The following ZNF713 variants were observed in gnomAD, a reference collection of about 807,000 sequenced individuals.
ZNF713 encodes the protein zinc finger protein 713.
A neutral mutation model predicts 28.7 loss-of-function variants in ZNF713; 21 were observed. The ratio of observed to expected loss-of-function variants is 0.73; its 90% CI spans 0.52 to 1.05. ZNF713 has a LOEUF of 1.05. Ranked by LOEUF, ZNF713 falls within the 50% of genes least tolerant of loss-of-function variation. The probability of loss-of-function intolerance (pLI) is 0.00; values close to 1 mark genes in which losing one functional copy is unlikely to be tolerated. For missense variants in ZNF713, 458 were observed against 532.4 expected (o/e 0.86, Z 1.37); for synonymous variants, 167 against 178.0 (o/e 0.94, Z 0.49).
intron 6 of ZNF713, among the ~76,000 whole-genome samples, chr7:55,935,178 C>T (rs1300044826): frequency 4.6e-5 from 7 of 151,902 alleles, no homozygotes; most frequent in South Asian, 2.1e-4. Context: ...TGTGAGCCAC[C>T]GTGCCTGGAC....
chr7:55,907,813 G>A (rs1389571023), intron 2 of ZNF713, among the ~76,000 whole-genome samples: 1 of 152,158 alleles, frequency 6.6e-6, no homozygotes, highest in Non-Finnish European at 1.5e-5. Context: ...TGGCTGCCTA[G>A]TATTCCATGT....
At chr7:55,931,272 G>A (rs1039049465) in intron 6 of ZNF713, among the ~76,000 whole-genome samples, 1 of 150,810 alleles carries the variant, frequency 6.6e-6, no homozygotes, top group Non-Finnish European at 1.5e-5. Flanking sequence ...GGCAACAAGA[G>A]CAAAACTGTC....
intron 6 of ZNF713, among the ~76,000 whole-genome samples, chr7:55,935,042 C>T (rs989339566): frequency 1.3e-5 from 2 of 152,024 alleles, no homozygotes; most frequent in Non-Finnish European, 2.9e-5. Context: ...ACATGCACCA[C>T]CACGCCCAGC....
At chr7:55,935,963 A>G (rs973745650) in intron 6 of ZNF713, among the ~76,000 whole-genome samples, 2 of 148,970 alleles carry the variant, frequency 1.3e-5, no homozygotes, top group Non-Finnish European at 3.0e-5. Flanking sequence ...TCAAGAAAAA[A>G]AAGAGAAAGA....
intron 1 of ZNF713, among the ~76,000 whole-genome samples, chr7:55,905,720 A>G (rs947434529): frequency 7.2e-5 from 11 of 152,088 alleles, no homozygotes; most frequent in Non-Finnish European, 1.5e-4. Flanking sequence ...TTATGATACA[A>G]AGAATAATGT....
intron 6 of ZNF713, among the ~76,000 whole-genome samples, chr7:55,931,959 T>A (rs1324040848): frequency 6.6e-6 from 1 of 152,200 alleles, no homozygotes; most frequent in African/African-American, 2.4e-5. Context: ...TGAGAGGCAG[T>A]CTGTAGAGCT....
At chr7:55,887,905 G>A (rs1368815107) in intron 1 of ZNF713, among the ~76,000 whole-genome samples, 1 of 142,636 alleles carries the variant, frequency 7.0e-6, no homozygotes, top group Non-Finnish European at 1.6e-5. Flanking sequence ...GCGGCGGCGG[G>A]AGGCGGCAGG....
chr7:55,915,782 G>T (rs1219248681), intron 4 of ZNF713, among the ~76,000 whole-genome samples: 1 of 152,194 alleles, frequency 6.6e-6, no homozygotes, highest in Admixed American at 6.5e-5. Context: ...AAAGCCTGTG[G>T]CCATGAAAAC....
At position 55,923,692 on chromosome 7, in the gene ZNF713, T is replaced by C. The variant is rs1056621278; in HGVS notation, c.300T>C (p.Thr100=). The C allele has an allele frequency of 3.7e-6, 6 of 1,611,048 alleles. No individual in the cohort carries two copies. In the African/African-American group the frequency reaches 8.0e-5, roughly 22 times the overall value. ...WVIERDSLLD[T]HPDGENRPEI... is the part of the protein sequence containing the mutation. ...TAGAAAGAGACAGCCTGCTGGATAC[T>C]CATCCAGGTAAGTGCACACTCTTGG... The change falls in exon 6 of 7, where the codon ACT becomes ACC. Residue 100 remains threonine, a synonymous_variant. Transcript: ENST00000429591.
At chr7:55,932,935 G>A (rs1227470057) in intron 6 of ZNF713, among the ~76,000 whole-genome samples, 1 of 144,968 alleles carries the variant, frequency 6.9e-6, no homozygotes, top group African/African-American at 2.5e-5. Flanking sequence ...AATGTGAATT[G>A]GTTAAAAATA....
chr7:55,939,375 C>T lies in ZNF713; in HGVS notation c.701C>T (p.Pro234Leu), dbSNP rs1290812227. 2.5e-6 allele frequency: 4 copies of T among 1,613,552 alleles called. No homozygotes were observed. Among genetic ancestry groups the T allele is most frequent in the Non-Finnish European group, 3.4e-6 (4 of 1,179,736 alleles). The change falls in exon 7 of 7, where the codon CCC (proline) becomes CTC (leucine). Residue 234 changes from proline (P) to leucine (L), a missense_variant. Physicochemically the swap from Pro to Leu is moderately conservative, Grantham distance 98 (BLOSUM62 -3). Transcript: ENST00000429591. ...YYQGNYVRET[P>L]YEYSECGKIF... ...CAGGGAAATTATGTAAGAGAGACTC[C>T]CTATGAATATAGTGAGTGTGGAAAA...
intron 1 of ZNF713, among the ~76,000 whole-genome samples, chr7:55,900,236 G>A (rs1339842176): frequency 1.3e-5 from 2 of 152,248 alleles, no homozygotes; most frequent in East Asian, 1.9e-4. Flanking sequence ...CTGGGAGGCC[G>A]AGGCAGGCGG....
Position 55,941,753 on chromosome 7 carries a change from A to G in ZNF713, c.*1747A>G, listed in dbSNP as rs1445636348. On this transcript the variant is annotated 3_prime_UTR_variant, in exon 7 of 7. Coordinates refer to ENST00000429591, the MANE Select transcript of ZNF713 (RefSeq NM_182633.3). Reference sequence around the variant, plus strand: ...TAGATACATAACCTTGAAATTAAAAATATTCGTTGATGTCCCCCCAAAAAT... The same window carrying G: ...TAGATACATAACCTTGAAATTAAAAGTATTCGTTGATGTCCCCCCAAAAAT... 3.3e-5 allele frequency: 5 copies of G among 152,152 alleles called. No individual in the cohort carries two copies. Among genetic ancestry groups the G allele is most frequent in the African/African-American group, 1.2e-4 (5 of 41,442 alleles). The allele number at this position is 152,152 out of a possible 1,614,324, so 9.4% of individuals were successfully genotyped here.
At chr7:55,938,165 C>T (rs184103533) in intron 6 of ZNF713, among the ~76,000 whole-genome samples, 18 of 152,184 alleles carry the variant, frequency 1.2e-4, no homozygotes, top group Admixed American at 1.0e-3. Flanking sequence ...GATCACACCA[C>T]TGCACTCCAG....
At chr7:55,904,732 AATT>A (rs1465057286) in intron 1 of ZNF713, among the ~76,000 whole-genome samples, 2 of 151,768 alleles carry the variant, frequency 1.3e-5, no homozygotes, top group Non-Finnish European at 2.9e-5. Context: ...AGAGACATTA[AATT>A]ATTATTATTT....
intron 1 of ZNF713, among the ~76,000 whole-genome samples, chr7:55,894,691 A>C (rs1166275172): frequency 6.6e-6 from 1 of 152,184 alleles, no homozygotes; most frequent in African/African-American, 2.4e-5. Context: ...TATGTCTAAC[A>C]GTGTTTGCTG....
intron 5 of ZNF713, 149 bp downstream of exon 5, chr7:55,923,437 C>T (rs1786031995): frequency 8.6e-7 from 1 of 1,162,418 alleles, no homozygotes; most frequent in Non-Finnish European, 1.2e-6. Context: ...TTGTTTTCTG[C>T]TCTTTCTCCT....
chr7:55,935,510 G>A (rs929495145), intron 6 of ZNF713, among the ~76,000 whole-genome samples: 19 of 151,998 alleles, frequency 1.3e-4, no homozygotes, highest in African/African-American at 4.6e-4. Context: ...TCATATATAC[G>A]TGTGTGTTAG....
chr7:55,931,802 G>A (rs1431016944), intron 6 of ZNF713, among the ~76,000 whole-genome samples: 1 of 152,202 alleles, frequency 6.6e-6, no homozygotes, highest in Non-Finnish European at 1.5e-5. Context: ...TTGCCCAGTG[G>A]CATCACAGCA....
Sources: gnomAD v4.1 joint callset for allele counts (sites outside exome capture counted in the v4.1 genomes callset) on GRCh38, gnomAD v4.1.1 for gene constraint, MANE v1.5 for transcripts, NCBI Gene and HGNC (gene_info 2026-07-23, HGNC 2026-07-21) for gene names.